LRRC28: variants seen among roughly 807,000 people sequenced by gnomAD.
LRRC28 encodes leucine-rich repeat-containing protein 28.
LRRC28 carries 39 observed loss-of-function variants against 45.7 expected under a neutral mutation model. The observed-to-expected ratio is 0.85, with a 90% CI of 0.66 to 1.12. The LOEUF (loss-of-function observed/expected upper bound fraction) is 1.12. Ranked by LOEUF, LRRC28 falls within the 50% of genes most tolerant of loss-of-function variation. LRRC28 has a pLI of 0.00. For synonymous variants in LRRC28, 206 were observed against 178.8 expected, an observed-to-expected ratio of 1.15 and a Z score of -1.22; for missense variants, 435 against 438.5, an observed-to-expected ratio of 0.99 and a Z score of 0.07.
At chr15:99,349,564 C>T (rs1310267575) in intron 6 of LRRC28, among the ~76,000 whole-genome samples, 1 of 152,054 alleles carries the variant, frequency 6.6e-6, no homozygotes, top group African/African-American at 2.4e-5. Context: ...ACTCTGGAGG[C>T]AATTTAGAAA....
intron 6 of LRRC28, among the ~76,000 whole-genome samples, chr15:99,337,043 A>G (rs1185583738): frequency 2.6e-5 from 4 of 152,172 alleles, no homozygotes; most frequent in Admixed American, 6.5e-5. Context: ...ACTCCTGCAT[A>G]CAATTGAACT....
chr15:99,375,219 G>C (rs1957594090), intron 9 of LRRC28, among the ~76,000 whole-genome samples: 1 of 152,296 alleles, frequency 6.6e-6, no homozygotes, highest in East Asian at 1.9e-4. Flanking sequence ...TGCTGCTTCT[G>C]AGTCCATTGA....
intron 5 of LRRC28, among the ~76,000 whole-genome samples, chr15:99,317,905 T>C (rs898869428): frequency 6.6e-6 from 1 of 152,186 alleles, no homozygotes; most frequent in Non-Finnish European, 1.5e-5. Context: ...TGAGGAGCAT[T>C]TAAAAGCTTT....
chr15:99,256,788 A>G (rs768081515), intron 2 of LRRC28, among the ~76,000 whole-genome samples: 45 of 152,224 alleles, frequency 3.0e-4, no homozygotes, highest in Non-Finnish European at 3.4e-4. Context: ...ATATAAGATA[A>G]ACTAAAAGTT....
chr15:99,265,956 A>G (rs905998513), intron 2 of LRRC28, among the ~76,000 whole-genome samples: 3 of 152,212 alleles, frequency 2.0e-5, no homozygotes, highest in Admixed American at 2.0e-4. Flanking sequence ...ATACTGATAG[A>G]GCTCTCACTA....
chr15:99,357,047 A>T (rs756615856), intron 7 of LRRC28, among the ~76,000 whole-genome samples: 2 of 152,148 alleles, frequency 1.3e-5, no homozygotes, highest in African/African-American at 2.4e-5. Flanking sequence ...CTCCATATCC[A>T]CTTCTTCCCT....
At position 99,387,563 on chromosome 15, in the gene LRRC28, G is replaced by A. The variant is rs1265603426; in HGVS notation, c.*1461G>A. 6.6e-6 allele frequency: 1 copy of A among 152,184 alleles called. No homozygotes were observed. Among genetic ancestry groups the A allele is most frequent in the Non-Finnish European group, 1.5e-5 (1 of 68,038 alleles). The allele number at this position is 152,184 out of a possible 1,614,324, so 9.4% of individuals were successfully genotyped here. A position where few individuals can be genotyped will look rare whatever the true frequency, so the allele number is the denominator to read the frequency against. On this transcript the variant is annotated 3_prime_UTR_variant, in exon 10 of 10. Transcript: ENST00000301981. Reference sequence around the variant, plus strand: ...AAGTCCATAAACAGAAAGTCTGTGAGCCTCCACCCTGCCAGAAAGAACTCT... The same window carrying A: ...AAGTCCATAAACAGAAAGTCTGTGAACCTCCACCCTGCCAGAAAGAACTCT...
chr15:99,341,874 C>T (rs986371365), intron 6 of LRRC28, among the ~76,000 whole-genome samples: 3 of 152,114 alleles, frequency 2.0e-5, no homozygotes, highest in African/African-American at 7.2e-5. Flanking sequence ...GACTTAAAAG[C>T]AAGAATCTGG....
intron 2 of LRRC28, among the ~76,000 whole-genome samples, chr15:99,270,901 T>G (rs1476810415): frequency 6.6e-6 from 1 of 152,240 alleles, no homozygotes; most frequent in African/African-American, 2.4e-5. Context: ...GGTTCCAGTT[T>G]CTCCACATTC....
rs546701880 is a variant in LRRC28 at position 99,276,558 on chromosome 15, T to C, written c.169-18T>C. On this transcript the variant is annotated intron_variant, in intron 2 of 9. Coordinates refer to ENST00000301981, the MANE Select transcript of LRRC28 (RefSeq NM_144598.5). ...ATTTTTCAAAAATAAAATTTAATTC[T>C]GAGTTTTTAATTTTCAGCCAGAAAA... 1.3e-6 allele frequency: 2 copies of C among 1,549,712 alleles called. No individual in the cohort carries two copies. Among genetic ancestry groups the C allele is most frequent in the South Asian group, 1.3e-5 (1 of 77,196 alleles).
At chr15:99,358,763 G>C (rs914893569) in intron 7 of LRRC28, among the ~76,000 whole-genome samples, 1 of 151,842 alleles carries the variant, frequency 6.6e-6, no homozygotes, top group East Asian at 1.9e-4. Context: ...ATATAACCAA[G>C]TAAGACAAAT....
chr15:99,333,700 A>C, intron 5 of LRRC28: 4 of 582,042 alleles, frequency 6.9e-6, no homozygotes, highest in South Asian at 6.2e-5. Flanking sequence ...CATGCTACCC[A>C]GCCCTTTTCT....
intron 5 of LRRC28, among the ~76,000 whole-genome samples, chr15:99,303,791 G>A (rs1255067452): frequency 6.6e-6 from 1 of 151,838 alleles, no homozygotes; most frequent in Admixed American, 6.6e-5. Flanking sequence ...ATGAGATCTC[G>A]CTATTGCACT....
At chr15:99,319,658 G>GT (rs1444148490) in intron 5 of LRRC28, among the ~76,000 whole-genome samples, 16 of 100,012 alleles carry the variant, frequency 1.6e-4, no homozygotes, top group African/African-American at 1.2e-3. Context: ...AAAACAGTGT[G>GT]GTTTTTTTTT....
intron 5 of LRRC28, among the ~76,000 whole-genome samples, chr15:99,299,726 C>G (rs1267244476): frequency 1.3e-5 from 2 of 152,098 alleles, no homozygotes; most frequent in Non-Finnish European, 2.9e-5. Context: ...TTATGAACCC[C>G]CCCACTCAAT....
intron 2 of LRRC28, among the ~76,000 whole-genome samples, chr15:99,269,976 C>A (rs1370303339): frequency 1.3e-5 from 2 of 152,082 alleles, no homozygotes; most frequent in Non-Finnish European, 2.9e-5. Flanking sequence ...GTACCATTAG[C>A]CTGCTAGGGT....
intron 5 of LRRC28, chr15:99,297,283 C>T (rs1411950195): frequency 6.6e-6 from 1 of 151,944 alleles, no homozygotes; most frequent in East Asian, 1.9e-4. Context: ...GGCAGGATCT[C>T]ACTCTGTCAC....
chr15:99,374,001 A>T (rs1350247347), intron 9 of LRRC28, among the ~76,000 whole-genome samples: 1 of 152,194 alleles, frequency 6.6e-6, no homozygotes, highest in Non-Finnish European at 1.5e-5. Context: ...ACTATAGTTT[A>T]GATTATGGTA....
At chr15:99,296,498 T>C (rs183042241) in intron 5 of LRRC28, among the ~76,000 whole-genome samples, 20 of 152,350 alleles carry the variant, frequency 1.3e-4, no homozygotes, top group Admixed American at 9.8e-4. Flanking sequence ...TTTCACTGAT[T>C]ACACATCAGT....
Sources: gnomAD v4.1 joint callset for allele counts (sites outside exome capture counted in the v4.1 genomes callset) on GRCh38, gnomAD v4.1.1 for gene constraint, MANE v1.5 for transcripts, NCBI Gene and HGNC (gene_info 2026-07-23, HGNC 2026-07-21) for gene names.